PRSS55: variants seen among roughly 807,000 people sequenced by gnomAD.
The protein encoded by PRSS55 is serine protease 55, also known as probable serine protease UNQ9391/PRO34284.
PRSS55 carries 41 observed loss-of-function variants against 23.6 expected under a neutral mutation model. The ratio of observed to expected loss-of-function variants is 1.74; its 90% CI spans 1.35 to 2.26. The LOEUF (loss-of-function observed/expected upper bound fraction) is 2.26. PRSS55 is among the 30% of genes most tolerant of loss of function. The probability of loss-of-function intolerance (pLI) is 0.00; values close to 1 mark genes in which losing one functional copy is unlikely to be tolerated. For synonymous variants in PRSS55, 262 were observed against 175.5 expected (o/e 1.49, Z -3.90); for missense variants, 669 against 439.1 (o/e 1.52, Z -4.68).
intron 4 of PRSS55, among the ~76,000 whole-genome samples, chr8:10,553,664 A>G (rs1023002913): frequency 6.6e-6 from 1 of 152,232 alleles, no homozygotes; most frequent in Non-Finnish European, 1.5e-5. Context: ...GTCAAAGGGC[A>G]CAAAATTTCA....
chr8:10,530,199 G>A (rs942256894), intron 2 of PRSS55, among the ~76,000 whole-genome samples: 12 of 152,252 alleles, frequency 7.9e-5, no homozygotes, highest in African/African-American at 2.7e-4. Flanking sequence ...GCCGGGTGCG[G>A]TGGCTCACGC....
intron 4 of PRSS55, chr8:10,545,199 C>CAAT: frequency 9.2e-6 from 1 of 108,846 alleles, no homozygotes; most frequent in Non-Finnish European, 1.7e-5. Flanking sequence ...CAAGCCCACA[C>CAAT]TATTTTTTTT....
rs894339783 is a variant in PRSS55, at chr8:10,538,637, A to G, written c.903A>G (p.Leu301=). The change falls in exon 5 of 5, where the codon CTA becomes CTG. Residue 301 remains leucine, a synonymous_variant. Coordinates refer to ENST00000328655, the MANE Select transcript of PRSS55 (RefSeq NM_198464.4). ...YNLWIEKVTQ[L]EGRPFNAEKR... ...TCTGGATCGAGAAAGTGACCCAGCTAGAGGGCAGGCCCTTCAATGCAGAGA... is the reference window on the plus strand; with the variant it reads ...TCTGGATCGAGAAAGTGACCCAGCTGGAGGGCAGGCCCTTCAATGCAGAGA... The G allele has an allele frequency of 2.5e-6, 4 of 1,614,058 alleles. No individual in the cohort carries two copies. In the African/African-American group the frequency reaches 4.0e-5, roughly 16 times the overall value.
At chr8:10,545,273 C>T (rs1812788356) in intron 4 of PRSS55, 1 of 151,130 alleles carries the variant, frequency 6.6e-6, no homozygotes, top group Non-Finnish European at 1.5e-5. Context: ...TCAGGACTCA[C>T]TGCAGCCTCA....
At chr8:10,553,091 G>A (rs889684201) in intron 4 of PRSS55, among the ~76,000 whole-genome samples, 10 of 152,154 alleles carry the variant, frequency 6.6e-5, no homozygotes, top group African/African-American at 2.4e-4. Flanking sequence ...GACCTGGTGG[G>A]AAGTGATCGG....
At chr8:10,549,990 G>C (rs1212118477) in intron 4 of PRSS55, among the ~76,000 whole-genome samples, 1 of 152,152 alleles carries the variant, frequency 6.6e-6, no homozygotes, top group Non-Finnish European at 1.5e-5. Context: ...TGTGATCTCA[G>C]CTCACTGCAG....
intron 1 of PRSS55, among the ~76,000 whole-genome samples, chr8:10,526,775 G>A (rs945014091): frequency 2.6e-5 from 4 of 152,210 alleles, no homozygotes; most frequent in East Asian, 3.8e-4. Context: ...CTTGTTGGTC[G>A]CTTCAACATC....
downstream of PRSS55, among the ~76,000 whole-genome samples, chr8:10,542,659 G>C (rs1372761974): frequency 3.3e-5 from 5 of 151,826 alleles, no homozygotes; most frequent in Non-Finnish European, 7.4e-5. Flanking sequence ...CCTGAGTTCA[G>C]GAGTTCAAGA....
intron 1 of PRSS55, among the ~76,000 whole-genome samples, chr8:10,526,277 T>G (rs1044666230): frequency 6.6e-6 from 1 of 152,188 alleles, no homozygotes; most frequent in Admixed American, 6.5e-5. Flanking sequence ...CGGTGGGGCA[T>G]CTGCTCTCAG....
rs1399237913 is a variant in PRSS55, at chr8:10,525,759, G to A, written c.154+20G>A. 9 of 1,570,372 alleles carry A rather than the reference G, an allele frequency of 5.7e-6. No homozygotes were observed. In the South Asian group the frequency reaches 8.1e-5, roughly 14 times the overall value. ...TCAGTGGTGAGTACAGGGGCAGAAG[G>A]GGCATGGATGGGGGCTCATGGTCCA... On this transcript the variant is annotated intron_variant, in intron 1 of 4. Coordinates refer to ENST00000328655, the MANE Select transcript of PRSS55 (RefSeq NM_198464.4).
chr8:10,547,221 C>T (rs1021778546), intron 4 of PRSS55, among the ~76,000 whole-genome samples: 2 of 152,204 alleles, frequency 1.3e-5, no homozygotes, highest in African/African-American at 4.8e-5. Flanking sequence ...AGTGAGCCGC[C>T]GAGGGGTGAG....
intron 4 of PRSS55, among the ~76,000 whole-genome samples, chr8:10,552,385 C>A (rs1812970769): frequency 6.6e-6 from 1 of 152,136 alleles, no homozygotes; most frequent in Admixed American, 6.5e-5. Flanking sequence ...AGATATGACC[C>A]CAAAAGCACA....
downstream of PRSS55, among the ~76,000 whole-genome samples, chr8:10,542,626 G>C (rs1473487012): frequency 6.6e-6 from 1 of 151,922 alleles, no homozygotes; most frequent in African/African-American, 2.4e-5. Context: ...CCAGCACTTT[G>C]GGAGGCTGAG....
downstream of PRSS55, among the ~76,000 whole-genome samples, chr8:10,543,370 C>A (rs1010336913): frequency 6.6e-6 from 1 of 151,902 alleles, no homozygotes; most frequent in Non-Finnish European, 1.5e-5. Context: ...GCCCCTAGAG[C>A]CAGGCATGCC....
chr8:10,546,295 G>C (rs1014563651), intron 4 of PRSS55, among the ~76,000 whole-genome samples: 8 of 152,158 alleles, frequency 5.3e-5, no homozygotes, highest in African/African-American at 1.9e-4. Flanking sequence ...GCCATACACT[G>C]AACACTCAGG....
At chr8:10,543,440 C>CTTCA (rs1373091928), downstream of PRSS55, among the ~76,000 whole-genome samples, 1 of 13,960 alleles carries the variant, frequency 7.2e-5, no homozygotes, top group Non-Finnish European at 2.7e-4. Context: ...TCCTTCCTTC[C>CTTCA]TTCCATCCTT....
chr8:10,549,025 G>A (rs902640625), intron 4 of PRSS55, among the ~76,000 whole-genome samples: 1 of 152,140 alleles, frequency 6.6e-6, no homozygotes, highest in Non-Finnish European at 1.5e-5. Context: ...TGTATATACA[G>A]GCATAAGCTC....
At chr8:10,540,958 CT>C, downstream of PRSS55, 1 of 152,910 alleles carries the variant, frequency 6.5e-6, no homozygotes, top group Non-Finnish European at 1.5e-5. Context: ...GGGGCCCTCC[CT>C]TTTCACCCAC....
At chr8:10,537,651 C>T (rs1172885144) in intron 4 of PRSS55, among the ~76,000 whole-genome samples, 1 of 152,084 alleles carries the variant, frequency 6.6e-6, no homozygotes, top group Non-Finnish European at 1.5e-5. Flanking sequence ...ATGGATACCC[C>T]AATTACCCTG....
Sources: gnomAD v4.1 joint callset for allele counts (sites outside exome capture counted in the v4.1 genomes callset) on GRCh38, gnomAD v4.1.1 for gene constraint, MANE v1.5 for transcripts, NCBI Gene and HGNC (gene_info 2026-07-23, HGNC 2026-07-21) for gene names.